RANBP2: variants seen among roughly 807,000 people sequenced by gnomAD.
RANBP2 encodes the protein RAN binding protein 2.
In RANBP2, 57 loss-of-function variants were observed where a neutral mutation model predicts 303.6. The ratio of observed to expected loss-of-function variants is 0.19; its 90% CI spans 0.15 to 0.23. RANBP2 has a LOEUF of 0.23. Ranked by LOEUF, RANBP2 falls within the 10% of genes least tolerant of loss-of-function variation. The probability of loss-of-function intolerance (pLI) is 1.00; values close to 1 mark genes in which losing one functional copy is unlikely to be tolerated. For synonymous variants in RANBP2, 1,167 were observed against 1,301.5 expected (o/e 0.90, Z 2.23); for missense variants, 3,138 against 3,780.8 (o/e 0.83, Z 4.46).
At chr2:109,081,463 G>A in the RANBP2 span, among the ~76,000 whole-genome samples, 7 of 152,174 alleles carry the variant, frequency 4.6e-5, no homozygotes, top group African/African-American at 1.2e-4. Context: ...GGGGCTCCGC[G>A]TCTGTGGCTG....
At chr2:109,418,404 G>A in the RANBP2 span, among the ~76,000 whole-genome samples, 2 of 152,150 alleles carry the variant, frequency 1.3e-5, no homozygotes, top group African/African-American at 4.8e-5. Flanking sequence ...CCAAGTCAAG[G>A]TGTGGACAGG....
At chr2:109,038,399 C>T in the RANBP2 span, among the ~76,000 whole-genome samples, 1,301 of 152,056 alleles carry the variant, frequency 8.6e-3, 20 homozygotes, top group African/African-American at 0.03. Flanking sequence ...TTTGGGAGGC[C>T]GAGGAGGGTA....
chr2:109,714,939 G>T, the RANBP2 span, among the ~76,000 whole-genome samples: 3,618 of 109,270 alleles, frequency 0.033, 161 homozygotes, highest in African/African-American at 0.11. Flanking sequence ...TTAATTTTAT[G>T]ATAAATCCCA....
the RANBP2 span, among the ~76,000 whole-genome samples, chr2:109,108,923 G>A: frequency 6.8e-6 from 1 of 147,252 alleles, no homozygotes; most frequent in Non-Finnish European, 1.5e-5. Context: ...TCAGGCGTCA[G>A]CAAGTTCAGT....
chr2:109,172,084 A>G, the RANBP2 span, among the ~76,000 whole-genome samples: 1 of 152,200 alleles, frequency 6.6e-6, no homozygotes, highest in Non-Finnish European at 1.5e-5. Flanking sequence ...AAAACTTGAT[A>G]TGCACGTCAT....
the RANBP2 span, among the ~76,000 whole-genome samples, chr2:109,697,634 C>A: frequency 7.2e-5 from 11 of 151,956 alleles, no homozygotes; most frequent in African/African-American, 2.4e-4. Flanking sequence ...TTTTTTGTAA[C>A]TTCTTTGGAA....
chr2:109,477,327 G>GCC, the RANBP2 span, among the ~76,000 whole-genome samples: 1 of 152,114 alleles, frequency 6.6e-6, no homozygotes, highest in Non-Finnish European at 1.5e-5. Context: ...GCCGCTCCCT[G>GCC]CCCTCCATGA....
chr2:109,439,742 C>T, the RANBP2 span, among the ~76,000 whole-genome samples: 2 of 151,940 alleles, frequency 1.3e-5, no homozygotes, highest in African/African-American at 2.4e-5. Context: ...AAAAAAGCAC[C>T]GAGAAGGAGC....
At chr2:109,078,274 A>G in the RANBP2 span, among the ~76,000 whole-genome samples, 80 of 49,140 alleles carry the variant, frequency 1.6e-3, 4 homozygotes, top group Admixed American at 3.6e-3. Flanking sequence ...GCGCGTATAT[A>G]TATATATATA....
the RANBP2 span, among the ~76,000 whole-genome samples, chr2:108,838,065 T>G: frequency 2.0e-5 from 3 of 152,052 alleles, no homozygotes; most frequent in Non-Finnish European, 2.9e-5. Context: ...ATTGGTTAGT[T>G]TGAATAATTT....
the RANBP2 span, among the ~76,000 whole-genome samples, chr2:109,422,883 C>T: frequency 2.0e-5 from 3 of 152,084 alleles, no homozygotes; most frequent in East Asian, 1.9e-4. Context: ...AGGAGCCATC[C>T]GAGATGTCCT....
chr2:109,652,426 T>C, the RANBP2 span, among the ~76,000 whole-genome samples: 2,744 of 152,220 alleles, frequency 0.018, 66 homozygotes, highest in South Asian at 0.11. Context: ...GGGGTTTCAC[T>C]GTGTTAGCCA....
the RANBP2 span, among the ~76,000 whole-genome samples, chr2:108,949,096 G>C: frequency 6.6e-6 from 1 of 152,274 alleles, no homozygotes; most frequent in Non-Finnish European, 1.5e-5. Flanking sequence ...TCTCACCTCA[G>C]CCTCCTGAGT....
chr2:109,399,044 G>T, the RANBP2 span: 2 of 1,287,624 alleles, frequency 1.6e-6, no homozygotes, highest in Non-Finnish European at 1.1e-6. Context: ...CATGGAGGCC[G>T]CCCCAGAACT....
chr2:109,271,557 G>A, the RANBP2 span, among the ~76,000 whole-genome samples: 12 of 152,354 alleles, frequency 7.9e-5, no homozygotes, highest in African/African-American at 2.6e-4. Context: ...ACTCAAGATA[G>A]TCAAGTTGTA....
the RANBP2 span, among the ~76,000 whole-genome samples, chr2:109,647,155 CTTTTTTTTTTT>C: frequency 5.6e-5 from 4 of 71,474 alleles, no homozygotes; most frequent in Admixed American, 6.8e-4. Context: ...GCTCTCCTCA[CTTTTTTTTTTT>C]TTTTTTTTTT....
chr2:109,128,934 T>C, the RANBP2 span: 1 of 383,992 alleles, frequency 2.6e-6, no homozygotes, highest in Non-Finnish European at 5.2e-6. Context: ...GCACGGCGCC[T>C]CCTTCCCTGA....
chr2:108,942,635 TGCTTTCCACGCCAGAG>T, the RANBP2 span, among the ~76,000 whole-genome samples: 44 of 152,358 alleles, frequency 2.9e-4, no homozygotes, highest in African/African-American at 1.1e-3. Flanking sequence ...TTCCGCCACC[TGCTTTCCACGCCAGAG>T]GCCTTTCAAG....
the RANBP2 span, among the ~76,000 whole-genome samples, chr2:108,913,807 G>A: frequency 4.6e-5 from 7 of 152,016 alleles, no homozygotes; most frequent in African/African-American, 1.2e-4. Flanking sequence ...AAAATTAGCC[G>A]GGCGTGGTGG....
Sources: gnomAD v4.1 joint callset for allele counts (sites outside exome capture counted in the v4.1 genomes callset) on GRCh38, gnomAD v4.1.1 for gene constraint, MANE v1.5 for transcripts, NCBI Gene and HGNC (gene_info 2026-07-23, HGNC 2026-07-21) for gene names.